Variants in PCSK2 observed in about 807,000 individuals in gnomAD.
PCSK2 encodes the protein proprotein convertase subtilisin/kexin type 2.
Under a neutral mutation model 69.7 loss-of-function variants are expected in PCSK2, and 14 were observed. The ratio of observed to expected loss-of-function variants is 0.20; its 90% CI spans 0.13 to 0.31. The LOEUF (loss-of-function observed/expected upper bound fraction) is 0.31. Among genes scored for constraint, PCSK2 ranks in the 10% least tolerant of loss-of-function variants. The probability of loss-of-function intolerance (pLI) is 1.00; values close to 1 mark genes in which losing one functional copy is unlikely to be tolerated. For synonymous variants in PCSK2, 307 were observed against 320.7 expected (o/e 0.96, Z 0.46); for missense variants, 544 against 842.5 (o/e 0.65, Z 4.39).
At chr20:17,327,002 C>T (rs1990075339) in intron 2 of PCSK2, among the ~76,000 whole-genome samples, 1 of 152,222 alleles carries the variant, frequency 6.6e-6, no homozygotes. Flanking sequence ...CTGTAGTCTT[C>T]TCATCCTCCC....
At chr20:17,375,934 T>C (rs2030912508) in intron 5 of PCSK2, among the ~76,000 whole-genome samples, 2 of 152,328 alleles carry the variant, frequency 1.3e-5, no homozygotes, top group South Asian at 4.1e-4. Flanking sequence ...TCCTACCCCT[T>C]GACTTTGGAT....
rs76879143 is a variant in PCSK2, at chr20:17,353,166, A to G, written c.283-5161A>G. Among the ~76,000 whole-genome samples, 149 of 152,242 alleles carry G rather than the reference A, an allele frequency of 9.8e-4. No homozygotes were observed. In the East Asian group the frequency reaches 0.027, roughly 27 times the overall value. ...CTCACAACAGTCAGAATTGCTGATTAAAAGTCAAAAAATAGGCTGGATGCG... is the reference window on the plus strand; with the variant it reads ...CTCACAACAGTCAGAATTGCTGATTGAAAGTCAAAAAATAGGCTGGATGCG... On this transcript the variant is annotated intron_variant, in intron 2 of 11. Transcript: ENST00000262545.
At chr20:17,316,369 A>G (rs1200070360) in intron 2 of PCSK2, among the ~76,000 whole-genome samples, 1 of 152,208 alleles carries the variant, frequency 6.6e-6, no homozygotes, top group Non-Finnish European at 1.5e-5. Flanking sequence ...GTATGTATGA[A>G]TATATGTATC....
intron 10 of PCSK2, among the ~76,000 whole-genome samples, chr20:17,457,602 G>A (rs1233986463): frequency 6.6e-6 from 1 of 152,120 alleles, no homozygotes; most frequent in African/African-American, 2.4e-5. Context: ...TCAACTATTA[G>A]GCACAGAGAC....
intron 2 of PCSK2, among the ~76,000 whole-genome samples, chr20:17,319,590 T>C (rs1989802002): frequency 6.6e-6 from 1 of 152,128 alleles, no homozygotes; most frequent in Non-Finnish European, 1.5e-5. Context: ...CATCTGCTTA[T>C]AGCATGTTTA....
chr20:17,284,786 G>T (rs1600449351), intron 2 of PCSK2, among the ~76,000 whole-genome samples: 1 of 152,174 alleles, frequency 6.6e-6, no homozygotes, highest in Non-Finnish European at 1.5e-5. Context: ...GGAGTTTGGG[G>T]ATAGAGTTTT....
chr20:17,436,981 G>A (rs2032496861), intron 8 of PCSK2, 98 bp downstream of exon 8: 1 of 1,064,686 alleles, frequency 9.4e-7, no homozygotes, highest in African/African-American at 1.6e-5. Context: ...CACCCTGTGT[G>A]TGAGTCCAGG....
chr20:17,329,587 C>T lies in PCSK2; in HGVS notation c.283-28740C>T, dbSNP rs16998928. On this transcript the variant is annotated intron_variant, in intron 2 of 11. Coordinates refer to ENST00000262545, the MANE Select transcript of PCSK2 (RefSeq NM_002594.5). ...AGTGCATATAATGTTCCAAAATAGA[C>T]GGTCACCAAGTTTAAAAACTTCGCT... Among the ~76,000 whole-genome samples, 1,156 of 152,282 alleles carry T rather than the reference C, an allele frequency of 7.6e-3. 11 individuals carry two copies. The highest frequency in any genetic ancestry group is 0.027 in the African/African-American group (1,108 of 41,568).
At chr20:17,227,528 C>T (rs1314449027) in intron 1 of PCSK2, 46 bp downstream of exon 1, 1 of 1,461,276 alleles carries the variant, frequency 6.8e-7, no homozygotes. Context: ...AACGGGGGGA[C>T]GGGGGGGCAG....
intron 2 of PCSK2, among the ~76,000 whole-genome samples, chr20:17,341,046 T>TG (rs1990496713): frequency 6.6e-6 from 1 of 151,488 alleles, no homozygotes; most frequent in Non-Finnish European, 1.5e-5. Context: ...AGGTCAGGAG[T>TG]TCGAGAGCAG....
At chr20:17,267,486 G>T (rs1334665269) in intron 2 of PCSK2, among the ~76,000 whole-genome samples, 1 of 152,156 alleles carries the variant, frequency 6.6e-6, no homozygotes, top group Non-Finnish European at 1.5e-5. Flanking sequence ...TGGCAGGGAG[G>T]ACTTTCAGCA....
chr20:17,401,138 A>G (rs1321762088), intron 5 of PCSK2, among the ~76,000 whole-genome samples: 1 of 152,200 alleles, frequency 6.6e-6, no homozygotes, highest in Admixed American at 6.5e-5. Context: ...CACATACAGA[A>G]GCACCTGTGT....
At chr20:17,376,840 A>G (rs2030942697) in intron 5 of PCSK2, among the ~76,000 whole-genome samples, 1 of 152,224 alleles carries the variant, frequency 6.6e-6, no homozygotes, top group African/African-American at 2.4e-5. Flanking sequence ...CACTTAATAC[A>G]TATTTGTTAA....
intron 1 of PCSK2, among the ~76,000 whole-genome samples, chr20:17,249,736 G>C (rs4813266): frequency 0.93 from 141,212 of 152,150 alleles, 65,569 homozygotes; most frequent in Middle Eastern, 0.96. Flanking sequence ...GTAAAATAAG[G>C]CAGGCACCAA....
At chr20:17,382,217 G>A (rs1490579511) in intron 5 of PCSK2, among the ~76,000 whole-genome samples, 1 of 152,138 alleles carries the variant, frequency 6.6e-6, no homozygotes, top group Non-Finnish European at 1.5e-5. Context: ...TGATTTCTGT[G>A]GAATAGCAGG....
At chr20:17,263,542 G>A (rs1342862287) in intron 2 of PCSK2, among the ~76,000 whole-genome samples, 1 of 152,164 alleles carries the variant, frequency 6.6e-6, no homozygotes, top group East Asian at 1.9e-4. Flanking sequence ...TTTCTTCAGG[G>A]TTTTAATCCA....
chr20:17,379,922 C>T (rs960328991), intron 5 of PCSK2, among the ~76,000 whole-genome samples: 6 of 152,200 alleles, frequency 3.9e-5, no homozygotes, highest in Non-Finnish European at 5.9e-5. Flanking sequence ...GAGGCTTTCA[C>T]CTGTTGGCCT....
At chr20:17,281,402 C>G (rs955962380) in intron 2 of PCSK2, among the ~76,000 whole-genome samples, 8 of 152,162 alleles carry the variant, frequency 5.3e-5, no homozygotes, top group African/African-American at 1.9e-4. Context: ...GAGCAAACCT[C>G]GGTAAAGACT....
rs192142036 is a variant in PCSK2 at position 17,311,426 on chromosome 20, G to A, written c.283-46901G>A. On this transcript the variant is annotated intron_variant, in intron 2 of 11. Coordinates refer to ENST00000262545, the MANE Select transcript of PCSK2 (RefSeq NM_002594.5). Reference sequence around the variant, plus strand: ...CTATAACCTGATTCTTATCCCAATAGAAGCAATTAAGGGGCAGGTGGTGGT... The same window carrying A: ...CTATAACCTGATTCTTATCCCAATAAAAGCAATTAAGGGGCAGGTGGTGGT... Among the ~76,000 whole-genome samples the A allele has an allele frequency of 1.3e-4, 20 of 152,106 alleles. No homozygotes were observed. In the East Asian group the frequency reaches 1.5e-3, roughly 12 times the overall value.
Sources: gnomAD v4.1 joint callset for allele counts (sites outside exome capture counted in the v4.1 genomes callset) on GRCh38, gnomAD v4.1.1 for gene constraint, MANE v1.5 for transcripts, NCBI Gene and HGNC (gene_info 2026-07-23, HGNC 2026-07-21) for gene names.